TLCD4: variants seen among roughly 807,000 people sequenced by gnomAD.
The protein encoded by TLCD4 is TLC domain-containing protein 4.
In TLCD4, 7 loss-of-function variants were observed where a neutral mutation model predicts 24.2. The observed-to-expected ratio is 0.29, with a 90% CI of 0.16 to 0.54. TLCD4 has a LOEUF of 0.54. TLCD4 is among the 20% of genes least tolerant of loss of function. TLCD4 has a pLI of 0.95. For synonymous variants in TLCD4, 103 were observed against 106.4 expected (o/e 0.97, Z 0.20); for missense variants, 259 against 313.9 (o/e 0.82, Z 1.32).
chr1:95,135,041 G>C (rs1253067087), intron 1 of TLCD4, among the ~76,000 whole-genome samples: 1 of 152,194 alleles, frequency 6.6e-6, no homozygotes, highest in Non-Finnish European at 1.5e-5. Context: ...TCAAAATCAA[G>C]ACTTTGTGCC....
chr1:95,093,547 G>T, the TLCD4 span, among the ~76,000 whole-genome samples: 1 of 152,216 alleles, frequency 6.6e-6, no homozygotes, highest in East Asian at 1.9e-4. Flanking sequence ...ACCACAGGTA[G>T]AGAGGGAGAT....
Position 95,177,606 on chromosome 1 carries a change from C to T in TLCD4, c.473+3717C>T, listed in dbSNP as rs551092196. Among the ~76,000 whole-genome samples, 239 of 151,872 alleles carry T rather than the reference C, an allele frequency of 1.6e-3. 1 individual carries two copies. Among genetic ancestry groups the T allele is most frequent in the African/African-American group, 2.2e-3 (92 of 41,438 alleles). On this transcript the variant is annotated intron_variant, in intron 6 of 6. Transcript: ENST00000370203. Reference sequence around the variant, plus strand: ...TTTTTTATTAAAATTTTTGTTTAACCGCTAGACCACCTGGGAACCTGTGAG... The same window carrying T: ...TTTTTTATTAAAATTTTTGTTTAACTGCTAGACCACCTGGGAACCTGTGAG...
rs569715646 is a variant in TLCD4, at chr1:95,142,913, C to T, written c.-11-978C>T. On this transcript the variant is annotated intron_variant, in intron 1 of 6. Transcript: ENST00000370203. ...TGCAGTGAGCTGAGATCTATCGCAC[C>T]ACTGCACTCTAGCCTGGGGGACACA... 5.2e-3 allele frequency among the ~76,000 whole-genome samples: 782 copies of T among 149,168 alleles called. 6 individuals carry two copies. The highest frequency in any genetic ancestry group is 0.018 in the African/African-American group (748 of 40,534).
intron 5 of TLCD4, among the ~76,000 whole-genome samples, chr1:95,154,562 C>G (rs1293030417): frequency 6.6e-6 from 1 of 151,992 alleles, no homozygotes; most frequent in Non-Finnish European, 1.5e-5. Context: ...TGTCCCAGAC[C>G]TCTCTCTGCT....
chr1:95,136,908 G>T (rs1042996875), intron 1 of TLCD4, among the ~76,000 whole-genome samples: 13 of 152,098 alleles, frequency 8.5e-5, no homozygotes, highest in Non-Finnish European at 1.5e-4. Flanking sequence ...GGCTGGTTGG[G>T]GTTAAGTTCA....
At chr1:95,143,385 C>T (rs1179663502) in intron 1 of TLCD4, among the ~76,000 whole-genome samples, 1 of 152,014 alleles carries the variant, frequency 6.6e-6, no homozygotes, top group Non-Finnish European at 1.5e-5. Flanking sequence ...GTTGTTTGTC[C>T]TGCTCCAAAA....
At chr1:95,132,055 A>G (rs1315944830) in intron 1 of TLCD4, among the ~76,000 whole-genome samples, 2 of 152,198 alleles carry the variant, frequency 1.3e-5, no homozygotes, top group Non-Finnish European at 2.9e-5. Flanking sequence ...CTTCTCCACT[A>G]TGTTATGACT....
At chr1:95,107,224 C>T in the TLCD4 span, among the ~76,000 whole-genome samples, 20 of 152,082 alleles carry the variant, frequency 1.3e-4, no homozygotes, top group East Asian at 1.3e-3. Context: ...GAGATCGAGA[C>T]CATCCTGGCT....
At chr1:95,173,790 C>G in intron 5 of TLCD4, 26 bp from the exon 6 acceptor site, 2 of 1,613,316 alleles carry the variant, frequency 1.2e-6, no homozygotes, top group Non-Finnish European at 1.7e-6. Context: ...TTATCCTTGA[C>G]GTTGTGTTTT....
chr1:95,120,517 C>T (rs575268933), intron 1 of TLCD4, among the ~76,000 whole-genome samples: 1 of 152,132 alleles, frequency 6.6e-6, no homozygotes, highest in Non-Finnish European at 1.5e-5. Context: ...GGTCTGTTCA[C>T]GGAGAAGGCA....
At chr1:95,108,489 C>A in the TLCD4 span, among the ~76,000 whole-genome samples, 1 of 152,038 alleles carries the variant, frequency 6.6e-6, no homozygotes, top group Non-Finnish European at 1.5e-5. Flanking sequence ...TCTCCCACCT[C>A]ATTTTTTGAT....
At chr1:95,112,216 C>A in the TLCD4 span, among the ~76,000 whole-genome samples, 1 of 151,974 alleles carries the variant, frequency 6.6e-6, no homozygotes, top group Non-Finnish European at 1.5e-5. Flanking sequence ...GGGGAATCAA[C>A]CTTCTCCTCC....
At chr1:95,156,298 T>G (rs570442261) in intron 5 of TLCD4, among the ~76,000 whole-genome samples, 1 of 152,232 alleles carries the variant, frequency 6.6e-6, no homozygotes, top group South Asian at 2.1e-4. Context: ...CAGAAAACAT[T>G]TTGAGGAAAG....
chr1:95,183,786 C>T (rs550948171), intron 6 of TLCD4, among the ~76,000 whole-genome samples: 2 of 151,958 alleles, frequency 1.3e-5, no homozygotes, highest in Admixed American at 6.6e-5. Context: ...TGCAGTGAGC[C>T]GAGATCGCAC....
chr1:95,133,057 G>GGA (rs113934267), intron 1 of TLCD4, among the ~76,000 whole-genome samples: 36 of 152,010 alleles, frequency 2.4e-4, no homozygotes, highest in African/African-American at 2.9e-4. Context: ...GTAAAGGAGT[G>GGA]GAGAGAGAGA....
chr1:95,173,691 ACTT>A lies in TLCD4; in HGVS notation c.400-121_400-119del, dbSNP rs1678314177. 55 of 1,217,594 alleles carry A rather than the reference ACTT, an allele frequency of 4.5e-5. No homozygotes were observed. In the South Asian group the frequency reaches 7.9e-4, roughly 18 times the overall value. The allele number at this position is 1,217,594 out of a possible 1,614,324, so 75.4% of individuals were successfully genotyped here. A position where few individuals can be genotyped will look rare whatever the true frequency, so the allele number is the denominator to read the frequency against. ...TCAGTTTAACAGTAAAAGGTAGAAA[ACTT>A]CTTGATCTGTTTTGGTATTGATTGT... On this transcript the variant is annotated intron_variant, in intron 5 of 6. Transcript: ENST00000370203.
chr1:95,121,538 T>G (rs1676569445), intron 1 of TLCD4, among the ~76,000 whole-genome samples: 1 of 152,224 alleles, frequency 6.6e-6, no homozygotes, highest in South Asian at 2.1e-4. Flanking sequence ...TGGCACAGTC[T>G]TGGCTCACTG....
rs184176488 is a variant in TLCD4, at chr1:95,167,439, T to C, written c.400-6377T>C. On this transcript the variant is annotated intron_variant, in intron 5 of 6. Transcript: ENST00000370203. ...ATTGGGATATAGTGGTGGTATCTGT[T>C]GGGAAATGCTGAGTGTTGGGAGAGA... 7.2e-5 allele frequency among the ~76,000 whole-genome samples: 11 copies of C among 152,230 alleles called. No homozygotes were observed. In the East Asian group the frequency reaches 2.1e-3, roughly 29 times the overall value.
chr1:95,154,677 TGTGTTAGCTCAAAC>T (rs1477369386), intron 5 of TLCD4, among the ~76,000 whole-genome samples: 2 of 152,096 alleles, frequency 1.3e-5, no homozygotes, highest in Non-Finnish European at 2.9e-5. Context: ...TCCAGTCCTG[TGTGTTAGCTCAAAC>T]CTTCATCTCT....
Sources: gnomAD v4.1 joint callset for allele counts (sites outside exome capture counted in the v4.1 genomes callset) on GRCh38, gnomAD v4.1.1 for gene constraint, MANE v1.5 for transcripts, NCBI Gene and HGNC (gene_info 2026-07-23, HGNC 2026-07-21) for gene names.